The following CCDC38 variants were observed in gnomAD, a reference collection of about 807,000 sequenced individuals.
CCDC38 encodes coiled-coil domain containing 38.
In CCDC38, 69 loss-of-function variants were observed where a neutral mutation model predicts 72.8. The ratio of observed to expected loss-of-function variants is 0.95; its 90% confidence interval spans 0.78 to 1.16. CCDC38 has a LOEUF of 1.16. CCDC38 is among the 50% of genes most tolerant of loss of function. The probability of loss-of-function intolerance (pLI) is 0.00; values close to 1 mark genes in which losing one functional copy is unlikely to be tolerated. For synonymous variants in CCDC38, 201 were observed against 213.2 expected (o/e 0.94, Z 0.50); for missense variants, 626 against 638.9 (o/e 0.98, Z 0.22).
intron 5 of CCDC38, among the ~76,000 whole-genome samples, chr12:95,898,995 C>T (rs1358766144): frequency 6.6e-6 from 1 of 152,186 alleles, no homozygotes; most frequent in Non-Finnish European, 1.5e-5. Context: ...GCATATTCCT[C>T]CAAAGAGCAG....
At chr12:95,888,419 T>A (rs150656475) in intron 10 of CCDC38, 39 bp downstream of exon 10, 3 of 1,572,880 alleles carry the variant, frequency 1.9e-6, no homozygotes, top group Non-Finnish European at 2.6e-6. Flanking sequence ...TGAAAACCAT[T>A]CCCAGTTTCC....
intron 14 of CCDC38, 191 bp from the exon 15 acceptor site, chr12:95,869,764 A>G (rs1407258348): frequency 3.8e-6 from 2 of 519,874 alleles, no homozygotes; most frequent in Non-Finnish European, 6.7e-6. Flanking sequence ...TACTATTTTG[A>G]AATGGGAAGA....
chr12:95,869,537 G>T lies in CCDC38; in HGVS notation c.1521C>A (p.His507Gln). 1 of 1,613,326 alleles carries T rather than the reference G, an allele frequency of 6.2e-7. No individual in the cohort carries two copies. The change falls in exon 15 of 16, where the codon CAC (histidine) becomes CAA (glutamine). Residue 507 changes from histidine (H) to glutamine (Q), a missense_variant. Coordinates refer to ENST00000344280, the MANE Select transcript of CCDC38 (RefSeq NM_182496.3). Reference sequence around the variant, plus strand: ...GAGCAGCTTTTAGCCTTTCCTGTTGGTGTCTTTGTTTTTCTTTCATTTTCT... The same window carrying T: ...GAGCAGCTTTTAGCCTTTCCTGTTGTTGTCTTTGTTTTTCTTTCATTTTCT... ...RDEKMKEKQR[H>Q]QQERLKAALE...
At chr12:95,900,016 A>T (rs1274189680) in intron 5 of CCDC38, among the ~76,000 whole-genome samples, 2 of 152,208 alleles carry the variant, frequency 1.3e-5, no homozygotes, top group Non-Finnish European at 1.5e-5. Context: ...GAAACCAATC[A>T]TGAGGATTTC....
At chr12:95,926,818 G>A (rs1378964582) in intron 2 of CCDC38, among the ~76,000 whole-genome samples, 2 of 151,372 alleles carry the variant, frequency 1.3e-5, no homozygotes, top group Admixed American at 6.6e-5. Context: ...TCATTCAGGA[G>A]CAGGTTGTTC....
intron 2 of CCDC38, among the ~76,000 whole-genome samples, chr12:95,928,681 T>G (rs963641982): frequency 8.4e-4 from 128 of 152,350 alleles, no homozygotes; most frequent in African/African-American, 2.3e-3. Context: ...TATCTACTTT[T>G]GGTCTTTGAT....
chr12:95,898,041 G>A (rs1429230240), intron 7 of CCDC38, among the ~76,000 whole-genome samples: 1 of 152,134 alleles, frequency 6.6e-6, no homozygotes, highest in East Asian at 1.9e-4. Context: ...GAATGCAAAA[G>A]TGCAACCAGA....
chr12:95,910,018 T>A (rs955810747), intron 4 of CCDC38, among the ~76,000 whole-genome samples: 4 of 152,136 alleles, frequency 2.6e-5, no homozygotes, highest in Non-Finnish European at 4.4e-5. Context: ...CTCTCAGCAT[T>A]CCTAGTCAAC....
chr12:95,891,677 T>C (rs1406124152), intron 8 of CCDC38, among the ~76,000 whole-genome samples: 3 of 151,692 alleles, frequency 2.0e-5, no homozygotes, highest in East Asian at 1.9e-4. Context: ...AATTGTTGAA[T>C]GCAAATACTT....
At chr12:95,935,495 C>T in intron 2 of CCDC38, 1 of 288,942 alleles carries the variant, frequency 3.5e-6, no homozygotes, top group Non-Finnish European at 7.2e-6. Flanking sequence ...CTGATGTGAA[C>T]CTCCATATGG....
intron 4 of CCDC38, among the ~76,000 whole-genome samples, chr12:95,916,331 G>A (rs2080142889): frequency 6.6e-6 from 1 of 151,926 alleles, no homozygotes; most frequent in African/African-American, 2.4e-5. Flanking sequence ...GTTTGAGAAA[G>A]TGCATGGGCT....
At chr12:95,912,997 C>G (rs1045947028) in intron 4 of CCDC38, among the ~76,000 whole-genome samples, 1 of 151,866 alleles carries the variant, frequency 6.6e-6, no homozygotes, top group Non-Finnish European at 1.5e-5. Flanking sequence ...GCCAGGAGGT[C>G]GAGGCTGTAG....
chr12:95,895,754 G>GAAA (rs1206572260), intron 7 of CCDC38, among the ~76,000 whole-genome samples: 17 of 37,218 alleles, frequency 4.6e-4, no homozygotes, highest in East Asian at 7.6e-4. Context: ...ACTCTGTCTC[G>GAAA]AAAAAAAAAA....
At chr12:95,928,949 AGACAGG>A (rs1035404960) in intron 2 of CCDC38, among the ~76,000 whole-genome samples, 3 of 152,192 alleles carry the variant, frequency 2.0e-5, no homozygotes, top group Admixed American at 6.5e-5. Context: ...CAAAGCTGTC[AGACAGG>A]GACATTTAAG....
rs1439139433 is a variant in CCDC38, at chr12:95,888,448, T to C, written c.920+10A>G. 5 of 1,612,902 alleles carry C rather than the reference T, an allele frequency of 3.1e-6. No individual in the cohort carries two copies. The highest frequency in any genetic ancestry group is 4.2e-6 in the Non-Finnish European group (5 of 1,179,016). ...AGTTTCCAAGGGAGTTAGTCAAGTA[T>C]ATACTGTACTTTGATTTCTTTTTCT... On this transcript the variant is annotated intron_variant, in intron 10 of 15. Transcript: ENST00000344280.
At chr12:95,875,432 CATT>C (rs558530026) in intron 13 of CCDC38, among the ~76,000 whole-genome samples, 462 of 36,102 alleles carry the variant, frequency 0.013, 1 homozygote, top group Middle Eastern at 0.019. Context: ...GATTAAGTAT[CATT>C]AAGAGTGGAA....
chr12:95,920,176 T>C (rs2080189833), intron 2 of CCDC38, among the ~76,000 whole-genome samples: 1 of 152,192 alleles, frequency 6.6e-6, no homozygotes, highest in South Asian at 2.1e-4. Flanking sequence ...AGGGACTCAA[T>C]GGAAAGTAAT....
At chr12:95,927,729 G>T (rs1319867633) in intron 2 of CCDC38, among the ~76,000 whole-genome samples, 1 of 152,078 alleles carries the variant, frequency 6.6e-6, no homozygotes, top group Non-Finnish European at 1.5e-5. Flanking sequence ...TGTAGGGCAG[G>T]CCTGGTGGTG....
At chr12:95,886,344 C>T (rs1351760270) in intron 10 of CCDC38, among the ~76,000 whole-genome samples, 1 of 152,096 alleles carries the variant, frequency 6.6e-6, no homozygotes, top group Non-Finnish European at 1.5e-5. Flanking sequence ...CACAAACTTA[C>T]ATGTAAAACT....
Sources: gnomAD v4.1 joint callset for allele counts (sites outside exome capture counted in the v4.1 genomes callset) on GRCh38, gnomAD v4.1.1 for gene constraint, MANE v1.5 for transcripts, NCBI Gene and HGNC (gene_info 2026-07-23, HGNC 2026-07-21) for gene names.